NUP210L: variants seen among roughly 807,000 people sequenced by gnomAD.
NUP210L encodes nuclear pore membrane glycoprotein 210-like.
In NUP210L, 74 loss-of-function variants were observed where a neutral mutation model predicts 208.5. That is an observed-to-expected ratio of 0.35 (90% CI 0.29 to 0.43). NUP210L has a LOEUF of 0.43. Ranked by LOEUF, NUP210L falls within the 20% of genes least tolerant of loss-of-function variation. NUP210L has a pLI of 1.00. For synonymous variants in NUP210L, 780 were observed against 816.9 expected (o/e 0.95, Z 0.77); for missense variants, 1,843 against 2,289.4 (o/e 0.81, Z 3.98).
intron 1 of NUP210L, among the ~76,000 whole-genome samples, chr1:154,153,573 G>A (rs1659513819): frequency 6.6e-6 from 1 of 152,172 alleles, no homozygotes; most frequent in South Asian, 2.1e-4. Context: ...GCCTCCCAAA[G>A]TGCTGGGATT....
At chr1:154,089,650 A>C in intron 15 of NUP210L, 56 bp from the exon 16 acceptor site, 3 of 1,383,670 alleles carry the variant, frequency 2.2e-6, no homozygotes, top group Non-Finnish European at 3.1e-6. Context: ...GATGTCAGTC[A>C]TGCCAATATA....
chr1:154,051,686 G>A (rs376863536), intron 25 of NUP210L, among the ~76,000 whole-genome samples: 1 of 152,162 alleles, frequency 6.6e-6, no homozygotes, highest in East Asian at 1.9e-4. Context: ...AATTCTCTTT[G>A]GAAAATGGAT....
At chr1:154,077,112 C>T (rs565429111) in intron 16 of NUP210L, among the ~76,000 whole-genome samples, 50 of 152,082 alleles carry the variant, frequency 3.3e-4, no homozygotes, top group African/African-American at 1.1e-3. Context: ...CAGTGGCTCG[C>T]GCTTGTAATC....
chr1:154,116,130 C>T (rs1170554698), intron 12 of NUP210L, among the ~76,000 whole-genome samples: 3 of 151,842 alleles, frequency 2.0e-5, no homozygotes, highest in Non-Finnish European at 2.9e-5. Flanking sequence ...TGGCACATGC[C>T]TGTAGTCCCA....
intron 17 of NUP210L, among the ~76,000 whole-genome samples, chr1:154,068,148 A>G (rs539473418): frequency 6.6e-6 from 1 of 152,322 alleles, no homozygotes; most frequent in Admixed American, 6.5e-5. Flanking sequence ...CAAAAAGAAG[A>G]AAGCTGGAGG....
chr1:154,140,122 G>A (rs1168846223), intron 4 of NUP210L, among the ~76,000 whole-genome samples, 170 bp from the exon 5 acceptor site: 4 of 152,030 alleles, frequency 2.6e-5, no homozygotes, highest in Admixed American at 1.3e-4. Context: ...AGGCCAAGGC[G>A]GGCACATCAC....
At position 154,023,175 on chromosome 1, in the gene NUP210L, AC is replaced by A; in HGVS notation, c.4244del (p.Ser1415IlefsTer17). The A allele has an allele frequency of 5.0e-6, 8 of 1,613,992 alleles. No individual in the cohort carries two copies. The highest frequency in any genetic ancestry group is 6.8e-6 in the Non-Finnish European group (8 of 1,179,948). On this transcript the variant is annotated frameshift_variant, in exon 31 of 40. Transcript: ENST00000368559. LOFTEE classifies it high-confidence loss of function. ...TGTGTGTGTGGAATTTCTCTCCGATACTATTATAAAACTGAACAGTGAAGGT... is the reference window on the plus strand; with the variant it reads ...TGTGTGTGTGGAATTTCTCTCCGATATATTATAAAACTGAACAGTGAAGGT...
intron 12 of NUP210L, among the ~76,000 whole-genome samples, chr1:154,108,711 TA>T (rs959950888): frequency 2.0e-5 from 3 of 151,432 alleles, no homozygotes; most frequent in African/African-American, 7.3e-5. Context: ...GAAAACAAAT[TA>T]AAAATGGCAG....
rs1275392059 is a variant in NUP210L, at chr1:154,099,922, T to C, written c.1965+76A>G. On this transcript the variant is annotated intron_variant, in intron 14 of 39. Coordinates refer to ENST00000368559, the Ensembl canonical transcript of NUP210L. The stretch of plus-strand genomic sequence containing the variant: ...ATTGATCCTTAGTGGGGACCACAGA[T>C]AGCTAGTAAGCCCATAAGCAGACAT... 13 of 1,415,718 alleles carry C rather than the reference T, an allele frequency of 9.2e-6. No homozygotes were observed. The East Asian group carries it at 2.5e-4, about 27-fold the overall frequency. 87.7% of individuals were successfully genotyped at this position (1,415,718 alleles called of 1,614,324 possible).
intron 22 of NUP210L, 126 bp from the exon 23 acceptor site, chr1:154,057,073 G>T (rs1653908503): frequency 2.4e-6 from 2 of 817,456 alleles, no homozygotes; most frequent in Non-Finnish European, 1.9e-6. Flanking sequence ...CAACCTCCCA[G>T]ACTCAATGTA....
intron 33 of NUP210L, among the ~76,000 whole-genome samples, chr1:154,017,630 C>A (rs2147920563): frequency 6.6e-6 from 1 of 150,618 alleles, no homozygotes. Flanking sequence ...GATTCTCCTA[C>A]CTCAGCCTCC....
At chr1:154,097,547 C>T (rs543533991) in intron 14 of NUP210L, among the ~76,000 whole-genome samples, 1 of 152,314 alleles carries the variant, frequency 6.6e-6, no homozygotes, top group South Asian at 2.1e-4. Flanking sequence ...AAGGAGGATT[C>T]ACCCACCCAG....
At chr1:154,081,123 A>T (rs1021549497) in intron 16 of NUP210L, among the ~76,000 whole-genome samples, 4 of 152,250 alleles carry the variant, frequency 2.6e-5, no homozygotes, top group African/African-American at 9.6e-5. Flanking sequence ...ATTAAGTATA[A>T]ATAAATTTTA....
At chr1:154,099,600 T>C (rs1199913355) in intron 14 of NUP210L, among the ~76,000 whole-genome samples, 1 of 152,212 alleles carries the variant, frequency 6.6e-6, no homozygotes, top group Non-Finnish European at 1.5e-5. Context: ...GAAATTATCT[T>C]TCAGGGTTCT....
At chr1:154,104,114 T>C (rs1368889773) in exon 13 of NUP210L, 1 of 1,614,020 alleles carries the variant, frequency 6.2e-7, no homozygotes. Context: ...TCTTTATTTA[T>C]GTGATACATT....
rs530946564 is a variant in NUP210L, at chr1:154,114,965, GT to G, written c.1620+2759del. ...CCACATCATCTCTGTGGCTTTAAAT[GT>G]TTAACTCTTCCCTGCTCAATCAAAT... is the stretch of plus-strand genomic sequence containing the variant. On this transcript the variant is annotated intron_variant, in intron 12 of 39. Coordinates refer to ENST00000368559, the Ensembl canonical transcript of NUP210L. Among the ~76,000 whole-genome samples, 53 of 152,222 alleles carry G rather than the reference GT, an allele frequency of 3.5e-4. No homozygotes were observed. The South Asian group carries it at 8.9e-3, about 26-fold the overall frequency.
intron 25 of NUP210L, among the ~76,000 whole-genome samples, chr1:154,049,682 A>G (rs1653380345): frequency 6.6e-6 from 1 of 152,230 alleles, no homozygotes; most frequent in South Asian, 2.1e-4. Flanking sequence ...TAAATGGAGA[A>G]TGCTGACAGA....
intron 28 of NUP210L, among the ~76,000 whole-genome samples, chr1:154,028,297 C>T (rs1269350779): frequency 6.6e-6 from 1 of 152,096 alleles, no homozygotes; most frequent in East Asian, 1.9e-4. Context: ...TTTAAATGGA[C>T]TTATATCGGC....
At chr1:154,079,078 AGC>A (rs989382615) in intron 16 of NUP210L, 3 of 152,040 alleles carry the variant, frequency 2.0e-5, no homozygotes, top group Admixed American at 2.0e-4. Flanking sequence ...TGAGGCCAGG[AGC>A]ACAAAACCAG....
Sources: allele counts gnomAD v4.1 joint callset (sites outside exome capture counted in the v4.1 genomes callset), GRCh38; gene constraint gnomAD v4.1.1; transcripts MANE v1.5; gene names NCBI Gene and HGNC (gene_info 2026-07-23, HGNC 2026-07-21).